The following SLC25A48 variants were observed in gnomAD, a reference collection of about 807,000 sequenced individuals.
SLC25A48 encodes the protein CTC-321K16.1.
In SLC25A48, 29 loss-of-function variants were observed where a neutral mutation model predicts 32.2. That is an observed-to-expected ratio of 0.90 (90% CI 0.67 to 1.23). The LOEUF (loss-of-function observed/expected upper bound fraction) is 1.23. Ranked by LOEUF, SLC25A48 falls within the 50% of genes most tolerant of loss-of-function variation. The pLI, the probability that SLC25A48 is intolerant of heterozygous loss-of-function variation, is 0.00. For synonymous variants in SLC25A48, 164 were observed against 172.3 expected (o/e 0.95, Z 0.38); for missense variants, 399 against 422.7 (o/e 0.94, Z 0.49).
At chr5:135,696,906 G>C (rs76498963) in intron 3 of SLC25A48, among the ~76,000 whole-genome samples, 4,132 of 152,282 alleles carry the variant, frequency 0.027, 193 homozygotes, top group African/African-American at 0.093. Flanking sequence ...GGCCCCTGGG[G>C]ATGAGGCATT....
chr5:135,809,358 T>G (rs1488822892), intron 3 of SLC25A48, among the ~76,000 whole-genome samples: 1 of 152,120 alleles, frequency 6.6e-6, no homozygotes, highest in Non-Finnish European at 1.5e-5. Flanking sequence ...ATGAGAAAGC[T>G]CTCATTTTAG....
intron 5 of SLC25A48, 55 bp from the exon 6 acceptor site, chr5:135,873,966 G>A (rs1305664496): frequency 6.8e-7 from 1 of 1,476,490 alleles, no homozygotes; most frequent in Non-Finnish European, 8.9e-7. Context: ...AAGGAACCAG[G>A]CCCCTCCAGA....
In SLC25A48 at chr5:135,871,542, T is replaced by C. The variant is rs772923115; in HGVS notation, c.503T>C (p.Ile168Thr). 2 of 1,614,094 alleles carry C rather than the reference T, an allele frequency of 1.2e-6. No individual in the cohort carries two copies. Among genetic ancestry groups the C allele is most frequent in the South Asian group, 1.1e-5 (1 of 91,058 alleles). ...YQGPVHCITT[I>T]VRNEGLAGLY... ...GGGCCAGTGCACTGCATTACAACCA[T>C]TGTGAGGAATGAGGGCCTGGCGGGG... Residue 168 changes from isoleucine (I) to threonine (T), a missense_variant, in exon 5 of 8, where the codon ATT becomes ACT. Coordinates refer to ENST00000681962, the MANE Select transcript of SLC25A48 (RefSeq NM_001349336.2).
intron 3 of SLC25A48, among the ~76,000 whole-genome samples, chr5:135,744,450 A>C (rs1345087101): frequency 7.4e-6 from 1 of 135,786 alleles, no homozygotes; most frequent in African/African-American, 2.6e-5. Context: ...TCCCCAGTTC[A>C]AGTGATCCTC....
At chr5:135,783,694 G>A (rs1322141310) in intron 3 of SLC25A48, among the ~76,000 whole-genome samples, 2 of 117,442 alleles carry the variant, frequency 1.7e-5, no homozygotes, top group African/African-American at 5.2e-5. Flanking sequence ...TCCCAATATC[G>A]AAGGGCGTGT....
intron 1 of SLC25A48, among the ~76,000 whole-genome samples, chr5:135,585,933 T>G (rs540992557): frequency 2.4e-4 from 36 of 152,320 alleles, no homozygotes; most frequent in Non-Finnish European, 4.6e-4. Flanking sequence ...TATCTGTGGG[T>G]TGGCTTGGCT....
intron 3 of SLC25A48, among the ~76,000 whole-genome samples, chr5:135,686,458 G>T (rs183059766): frequency 7.9e-5 from 12 of 152,094 alleles, no homozygotes; most frequent in African/African-American, 2.7e-4. Context: ...CATTTATCTC[G>T]CATGTCTCAG....
At position 135,688,247 on chromosome 5, in the gene SLC25A48, A is replaced by G. The variant is rs147998696; in HGVS notation, c.-521+53291A>G. The stretch of plus-strand genomic sequence containing the variant: ...CTGAATAATATTCCGTCATATGTCT[A>G]TATCACATTTTGCTTATCCATTCAT... On this transcript the variant is annotated intron_variant, in intron 3 of 10. Coordinates refer to the SLC25A48 transcript ENST00000646290. 5.6e-3 allele frequency among the ~76,000 whole-genome samples: 860 copies of G among 152,226 alleles called. 8 individuals carry two copies. The highest frequency in any genetic ancestry group is 0.019 in the African/African-American group (788 of 41,538).
chr5:135,863,374 C>T (rs1760952337), intron 4 of SLC25A48, among the ~76,000 whole-genome samples: 1 of 152,058 alleles, frequency 6.6e-6, no homozygotes, highest in South Asian at 2.1e-4. Context: ...TGAGATTGCA[C>T]CTGGAAGCAT....
At chr5:135,831,764 A>T (rs1758215580), upstream of SLC25A48, among the ~76,000 whole-genome samples, 1 of 152,256 alleles carries the variant, frequency 6.6e-6, no homozygotes, top group South Asian at 2.1e-4. Context: ...ATTGGAATTT[A>T]TGCTCAAGAT....
Position 135,657,855 on chromosome 5 carries a change from A to G in SLC25A48, c.-521+22899A>G, listed in dbSNP as rs549821448. ...CTGTAGACCCTTCTGATCTTTTACA[A>G]AAACTCGTAATTTAGATGGAGAACT... On this transcript the variant is annotated intron_variant, in intron 3 of 10. Coordinates refer to the SLC25A48 transcript ENST00000646290. Among the ~76,000 whole-genome samples the G allele has an allele frequency of 2.0e-5, 3 of 152,326 alleles. No individual in the cohort carries two copies. The South Asian group carries it at 6.2e-4, about 32-fold the overall frequency.
intron 3 of SLC25A48, among the ~76,000 whole-genome samples, chr5:135,785,992 C>G (rs35707438): frequency 0.47 from 70,918 of 151,454 alleles, 16,989 homozygotes; most frequent in Non-Finnish European, 0.52. Flanking sequence ...TGAAACACGC[C>G]CCTTGCTCCA....
intron 3 of SLC25A48, among the ~76,000 whole-genome samples, chr5:135,651,724 TTGTCCTC>T (rs1321513643): frequency 6.6e-6 from 1 of 152,242 alleles, no homozygotes; most frequent in Admixed American, 6.5e-5. Flanking sequence ...TGTGGTTTCT[TTGTCCTC>T]ATTGGACCTT....
At chr5:135,799,622 C>T (rs952369010) in intron 3 of SLC25A48, among the ~76,000 whole-genome samples, 5 of 151,338 alleles carry the variant, frequency 3.3e-5, no homozygotes, top group African/African-American at 9.7e-5. Context: ...GGCTGGTCAC[C>T]CACCATGTAA....
intron 3 of SLC25A48, among the ~76,000 whole-genome samples, chr5:135,661,224 C>T (rs535903762): frequency 1.8e-3 from 275 of 152,366 alleles, no homozygotes; most frequent in African/African-American, 6.4e-3. Flanking sequence ...AGCTGCCTCT[C>T]TTCCTTCACC....
chr5:135,805,296 A>C (rs892249578), intron 3 of SLC25A48, among the ~76,000 whole-genome samples: 6 of 151,486 alleles, frequency 4.0e-5, no homozygotes, highest in Non-Finnish European at 8.9e-5. Flanking sequence ...GTGTATGTAC[A>C]CATTGTGTGT....
At chr5:135,785,800 G>T (rs1756830075) in intron 3 of SLC25A48, among the ~76,000 whole-genome samples, 1 of 149,622 alleles carries the variant, frequency 6.7e-6, no homozygotes, top group Non-Finnish European at 1.5e-5. Context: ...GGGGGCGAGA[G>T]GGTAACATTA....
intron 1 of SLC25A48, among the ~76,000 whole-genome samples, chr5:135,623,891 C>T (rs1580731714): frequency 6.6e-6 from 1 of 152,302 alleles, no homozygotes; most frequent in East Asian, 1.9e-4. Flanking sequence ...GCTGCTGTTG[C>T]TATGGCCTCT....
At chr5:135,716,610 G>A (rs1421545047) in intron 3 of SLC25A48, among the ~76,000 whole-genome samples, 1 of 152,192 alleles carries the variant, frequency 6.6e-6, no homozygotes, top group Non-Finnish European at 1.5e-5. Flanking sequence ...TCTTCAAGAG[G>A]TTTCAGGCAT....
Sources: allele counts gnomAD v4.1 joint callset (sites outside exome capture counted in the v4.1 genomes callset), GRCh38; gene constraint gnomAD v4.1.1; transcripts MANE v1.5; gene names NCBI Gene and HGNC (gene_info 2026-07-23, HGNC 2026-07-21).